ARHGAP24: variants seen among roughly 807,000 people sequenced by gnomAD.
ARHGAP24 encodes Rho GTPase activating protein 24, also known as rho GTPase-activating protein 24.
ARHGAP24 carries 50 observed loss-of-function variants against 76.4 expected under a neutral mutation model. The observed-to-expected ratio is 0.65, with a 90% CI of 0.52 to 0.83. The LOEUF (loss-of-function observed/expected upper bound fraction) is 0.83. Among genes scored for constraint, ARHGAP24 ranks in the 40% least tolerant of loss-of-function variants. The pLI is 0.00. For synonymous variants in ARHGAP24, 345 were observed against 323.3 expected, an observed-to-expected ratio of 1.07 and a Z score of -0.72; for missense variants, 930 against 914.2, an observed-to-expected ratio of 1.02 and a Z score of -0.22.
chr4:85,530,162 T>C (rs1412471131), intron 1 of ARHGAP24, among the ~76,000 whole-genome samples: 1 of 150,794 alleles, frequency 6.6e-6, no homozygotes, highest in Non-Finnish European at 1.5e-5. Context: ...AACAAGTAAA[T>C]ATTTTCAAGC....
At chr4:85,593,101 A>G (rs1348057448) in intron 2 of ARHGAP24, among the ~76,000 whole-genome samples, 2 of 152,068 alleles carry the variant, frequency 1.3e-5, no homozygotes, top group African/African-American at 4.8e-5. Flanking sequence ...TTTTCTCCAC[A>G]TTCTCATCAC....
At chr4:85,546,761 T>G (rs958663265) in intron 1 of ARHGAP24, among the ~76,000 whole-genome samples, 11 of 152,338 alleles carry the variant, frequency 7.2e-5, no homozygotes, top group African/African-American at 2.4e-4. Context: ...CTTCTTGCAC[T>G]AAGCCATGTG....
chr4:85,940,906 G>A (rs796543620), intron 4 of ARHGAP24, among the ~76,000 whole-genome samples: 1 of 152,060 alleles, frequency 6.6e-6, no homozygotes, highest in Non-Finnish European at 1.5e-5. Context: ...GAAATGTGAC[G>A]GTTTTGCACT....
At chr4:85,691,299 C>A (rs1723647126) in intron 2 of ARHGAP24, among the ~76,000 whole-genome samples, 1 of 152,072 alleles carries the variant, frequency 6.6e-6, no homozygotes, top group South Asian at 2.1e-4. Flanking sequence ...GTTCCATATG[C>A]AGATGAGAAG....
At position 85,994,728 on chromosome 4, in the gene ARHGAP24, A is replaced by G. The variant is rs777779244; in HGVS notation, c.1074A>G (p.Leu358=). 6.2e-7 allele frequency: 1 copy of G among 1,614,180 alleles called. No individual in the cohort carries two copies. Among genetic ancestry groups the G allele is most frequent in the South Asian group, 1.1e-5 (1 of 91,078 alleles). Residue 358 remains leucine, a synonymous_variant, in exon 9 of 10, where the codon TTA becomes TTG. Transcript: ENST00000395184. ...AGAAGAAAGCCACCATGGGGCAGTT[A>G]CAGAACAAGGAGAACAATAACACCA... ...EIQKKATMGQ[L]QNKENNNTKD...
At chr4:85,991,684 T>C (rs1740333373) in intron 8 of ARHGAP24, 1 of 153,314 alleles carries the variant, frequency 6.5e-6, no homozygotes, top group Non-Finnish European at 1.5e-5. Context: ...AAGGATGCTA[T>C]GGGCCAGAGT....
intron 2 of ARHGAP24, among the ~76,000 whole-genome samples, chr4:85,582,073 T>C (rs1727637600): frequency 6.6e-6 from 1 of 152,158 alleles, no homozygotes; most frequent in African/African-American, 2.4e-5. Context: ...AATGAGCTAA[T>C]ACTTTGTTTC....
At chr4:85,602,808 G>A (rs1038664001) in intron 2 of ARHGAP24, among the ~76,000 whole-genome samples, 2 of 152,026 alleles carry the variant, frequency 1.3e-5, no homozygotes, top group African/African-American at 4.8e-5. Flanking sequence ...TTCTCTTGGC[G>A]TCCTATTCTA....
intron 2 of ARHGAP24, among the ~76,000 whole-genome samples, chr4:85,718,748 C>G (rs1307096148): frequency 6.6e-6 from 1 of 151,922 alleles, no homozygotes; most frequent in African/African-American, 2.4e-5. Flanking sequence ...AAAAACTTGT[C>G]AAAATATAAA....
chr4:85,990,937 T>C (rs1277462290), intron 8 of ARHGAP24: 1 of 152,010 alleles, frequency 6.6e-6, no homozygotes, highest in Non-Finnish European at 1.5e-5. Context: ...TTGGACTTTG[T>C]CAAAATTGAC....
intron 2 of ARHGAP24, among the ~76,000 whole-genome samples, chr4:85,715,308 A>G (rs1482231133): frequency 1.3e-5 from 2 of 152,112 alleles, no homozygotes; most frequent in Non-Finnish European, 2.9e-5. Flanking sequence ...TAATACTAGC[A>G]GATATATATT....
At chr4:85,807,869 A>G (rs921646706) in intron 3 of ARHGAP24, among the ~76,000 whole-genome samples, 5 of 152,120 alleles carry the variant, frequency 3.3e-5, no homozygotes, top group Non-Finnish European at 5.9e-5. Flanking sequence ...CTTGGAGAGT[A>G]TGTTTTCTTA....
chr4:85,904,047 TC>T (rs1285153892), intron 3 of ARHGAP24, among the ~76,000 whole-genome samples: 1 of 152,232 alleles, frequency 6.6e-6, no homozygotes, highest in Admixed American at 6.5e-5. Context: ...CAACTTTTGA[TC>T]ATGTGCAATC....
At chr4:85,948,487 G>A (rs1278969104) in intron 5 of ARHGAP24, among the ~76,000 whole-genome samples, 5 of 152,128 alleles carry the variant, frequency 3.3e-5, no homozygotes, top group Non-Finnish European at 7.4e-5. Flanking sequence ...TTTTGCTAAT[G>A]TAGGGGAATG....
intron 4 of ARHGAP24, chr4:85,930,207 TC>T: frequency 2.0e-6 from 2 of 978,154 alleles, no homozygotes; most frequent in Non-Finnish European, 2.4e-6. Context: ...CAAAGCTGCC[TC>T]CCCCCACAGA....
At chr4:85,651,317 G>T (rs1381751952) in intron 2 of ARHGAP24, among the ~76,000 whole-genome samples, 1 of 149,214 alleles carries the variant, frequency 6.7e-6, no homozygotes, top group Non-Finnish European at 1.5e-5. Context: ...GTAGGGAAAA[G>T]ATCGATAAGG....
At chr4:85,705,592 T>C (rs766426064) in intron 2 of ARHGAP24, among the ~76,000 whole-genome samples, 1 of 152,204 alleles carries the variant, frequency 6.6e-6, no homozygotes, top group Non-Finnish European at 1.5e-5. Context: ...CATTTTTTCG[T>C]GTGCTTACCA....
chr4:85,645,754 G>A (rs1721697198), intron 2 of ARHGAP24, among the ~76,000 whole-genome samples: 1 of 151,978 alleles, frequency 6.6e-6, no homozygotes, highest in Non-Finnish European at 1.5e-5. Flanking sequence ...TGCATTTAGA[G>A]AACTTCCAGA....
At chr4:85,667,344 C>T (rs568816445) in intron 2 of ARHGAP24, among the ~76,000 whole-genome samples, 19 of 152,262 alleles carry the variant, frequency 1.2e-4, no homozygotes, top group African/African-American at 3.1e-4. Flanking sequence ...TTTTTAAGCC[C>T]GTCGGAAAAG....
Sources: gnomAD v4.1 joint callset for allele counts (sites outside exome capture counted in the v4.1 genomes callset) on GRCh38, gnomAD v4.1.1 for gene constraint, MANE v1.5 for transcripts, NCBI Gene and HGNC (gene_info 2026-07-23, HGNC 2026-07-21) for gene names.